Variants in CAMKK1 observed in about 807,000 individuals in gnomAD.
CAMKK1 encodes the protein calcium/calmodulin-dependent protein kinase kinase 1.
Under a neutral mutation model 63.5 loss-of-function variants are expected in CAMKK1, and 20 were observed. The ratio of observed to expected loss-of-function variants is 0.32; its 90% CI spans 0.22 to 0.46. The LOEUF (loss-of-function observed/expected upper bound fraction) is 0.46, where lower values mean the gene tolerates loss of function less well. Ranked by LOEUF, CAMKK1 falls within the 20% of genes least tolerant of loss-of-function variation. The probability of loss-of-function intolerance (pLI) is 1.00; values close to 1 mark genes in which losing one functional copy is unlikely to be tolerated. For synonymous variants in CAMKK1, 253 were observed against 269.0 expected, an observed-to-expected ratio of 0.94 and a Z score of 0.58; for missense variants, 588 against 658.1, an observed-to-expected ratio of 0.89 and a Z score of 1.17.
In CAMKK1 at chr17:3,876,306, C is replaced by T. The variant is rs767490064; in HGVS notation, c.913G>A (p.Ala305Thr). The stretch of plus-strand genomic sequence containing the variant: ...GTTCCCGCCGTGCTGGACAGCTGAG[C>T]GTCGTTCCCCTCAAACTGGTTGCTG... Reference protein sequence around the residue: ...GVSNQFEGNDAQLSSTAGTPA... With the variant: ...GVSNQFEGNDTQLSSTAGTPA... Residue 305 changes from alanine to threonine, a missense_variant, in exon 10 of 16, where the codon GCT (alanine) becomes ACT (threonine). Physicochemically the swap from Ala to Thr is moderately conservative, Grantham distance 58. This residue lies in a region of CAMKK1 where 357 missense variants were observed against 407.4 expected (regional missense o/e 0.88). Transcript: ENST00000348335. The T allele has an allele frequency of 5.6e-6, 9 of 1,614,118 alleles. No homozygotes were observed. Among genetic ancestry groups the T allele is most frequent in the East Asian group, 2.2e-5 (1 of 44,900 alleles).
Position 3,884,276 on chromosome 17 carries a change from G to T in CAMKK1, c.408+104C>A. On this transcript the variant is annotated intron_variant, in intron 3 of 15. Transcript: ENST00000348335. The surrounding 1 kb of genome is among the most constrained non-coding windows in gnomAD (Gnocchi z 4.5). Reference sequence around the variant, plus strand: ...CGAAACTGTCCTCACCTCCAGGCTAGGACTTGCCTGGCTCTGCCTCCCGTT... The same window carrying T: ...CGAAACTGTCCTCACCTCCAGGCTATGACTTGCCTGGCTCTGCCTCCCGTT... The T allele has an allele frequency of 1.5e-6, 2 of 1,292,684 alleles. No homozygotes were observed. Among genetic ancestry groups the T allele is most frequent in the Non-Finnish European group, 2.2e-6 (2 of 895,862 alleles). The allele number at this position is 1,292,684 out of a possible 1,614,324, so 80.1% of individuals were successfully genotyped here.
intron 14 of CAMKK1, among the ~76,000 whole-genome samples, chr17:3,868,973 CTT>C (rs146125805): frequency 6.4e-5 from 8 of 125,056 alleles, no homozygotes; most frequent in Non-Finnish European, 8.4e-5. Context: ...TTCTTTTCTT[CTT>C]TTTTTTTTTT....
intron 9 of CAMKK1, among the ~76,000 whole-genome samples, chr17:3,876,770 T>TG (rs1266354272): frequency 4.5e-5 from 5 of 111,210 alleles, no homozygotes; most frequent in African/African-American, 2.2e-4. Flanking sequence ...TTTTTTTTTT[T>TG]TTTTTGAGAC....
At chr17:3,865,218 A>G in intron 15 of CAMKK1, 32 of 985,760 alleles carry the variant, frequency 3.2e-5, no homozygotes, top group Non-Finnish European at 3.9e-5. Context: ...GACGAGGCGC[A>G]CAGGCTTGGG....
chr17:3,874,128 A>T (rs1051229186), intron 10 of CAMKK1, among the ~76,000 whole-genome samples: 3 of 152,202 alleles, frequency 2.0e-5, no homozygotes, highest in Non-Finnish European at 4.4e-5. Flanking sequence ...GAATCCAACC[A>T]GGGAACACCA....
chr17:3,878,649 A>G (rs182619107), intron 9 of CAMKK1, among the ~76,000 whole-genome samples: 2 of 152,258 alleles, frequency 1.3e-5, no homozygotes, highest in East Asian at 1.9e-4. Context: ...AAGGCAAAGG[A>G]GAGGCTCGAG....
rs567463780 is a variant in CAMKK1 at position 3,885,713 on chromosome 17, C to T, written c.-26G>A. Reference sequence around the variant, plus strand: ...TGCTTCAGTCAAGGGGGTTCTTCTGCGTAGCCTTGTTGGGAACCTGAGAAA... The same window carrying T: ...TGCTTCAGTCAAGGGGGTTCTTCTGTGTAGCCTTGTTGGGAACCTGAGAAA... On this transcript the variant is annotated 5_prime_UTR_variant, in exon 2 of 16. Transcript: ENST00000348335. 28 of 1,608,578 alleles carry T rather than the reference C, an allele frequency of 1.7e-5. No individual in the cohort carries two copies. The highest frequency in any genetic ancestry group is 6.6e-5 in the South Asian group (6 of 91,044).
Position 3,883,491 on chromosome 17 carries a change from A to G in CAMKK1, c.463-11T>C. On this transcript the variant is annotated splice_polypyrimidine_tract_variant and intron_variant, in intron 4 of 15. Coordinates refer to ENST00000348335, the MANE Select transcript of CAMKK1 (RefSeq NM_032294.3). This position sits in a 1 kb window ranked among gnomAD's most constrained non-coding sequence, Gnocchi z 4.7. ...AAGGACTTTCATTGCCTAAGGAAGG[A>G]GGGACAGAAATGTCACTACTGTGCA... 1.2e-6 allele frequency: 2 copies of G among 1,611,696 alleles called. No homozygotes were observed. The highest frequency in any genetic ancestry group is 8.5e-7 in the Non-Finnish European group (1 of 1,177,794).
At chr17:3,865,650 G>A in intron 15 of CAMKK1, 1 of 1,347,998 alleles carries the variant, frequency 7.4e-7, no homozygotes, top group Non-Finnish European at 9.6e-7. Flanking sequence ...TGGAGGGGCT[G>A]CGTGAGCTCC....
chr17:3,882,053 C>G lies in CAMKK1; in HGVS notation c.686-405G>C, dbSNP rs1052306269. 1 of 553,852 alleles carries G rather than the reference C, an allele frequency of 1.8e-6. No individual in the cohort carries two copies. Among genetic ancestry groups the G allele is most frequent in the Non-Finnish European group, 3.2e-6 (1 of 315,016 alleles). 34.3% of individuals were successfully genotyped at this position (553,852 alleles called of 1,614,324 possible). A position where few individuals can be genotyped will look rare whatever the true frequency, so the allele number is the denominator to read the frequency against. On this transcript the variant is annotated intron_variant, in intron 7 of 15. Coordinates refer to ENST00000348335, the MANE Select transcript of CAMKK1 (RefSeq NM_032294.3). The surrounding 1 kb of genome is among the most constrained non-coding windows in gnomAD (Gnocchi z 4.3). ...TTCTGAGGCCTCCTCTAAGCCCAGC[C>G]CTGAACCAGACACAAGGAACTAAAA...
intron 12 of CAMKK1, among the ~76,000 whole-genome samples, chr17:3,870,330 G>A (rs570558540): frequency 9.3e-4 from 141 of 151,916 alleles, no homozygotes; most frequent in Admixed American, 2.4e-3. Flanking sequence ...CCCCCTCAGC[G>A]CCACATCAGC....
At chr17:3,880,189 T>A in intron 9 of CAMKK1, 157 bp downstream of exon 9, 162 of 545,002 alleles carry the variant, frequency 3.0e-4, no homozygotes, top group Middle Eastern at 2.1e-3. Flanking sequence ...CAAAAAGGCC[T>A]TTGGCCCCGC....
At position 3,879,836 on chromosome 17, in the gene CAMKK1, G is replaced by A. The variant is rs915751956; in HGVS notation, c.796+510C>T. The A allele has an allele frequency of 6.4e-6, 1 of 155,600 alleles. No individual in the cohort carries two copies. The highest frequency in any genetic ancestry group is 1.4e-5 in the Non-Finnish European group (1 of 70,112). 9.6% of individuals were successfully genotyped at this position (155,600 alleles called of 1,614,324 possible). On this transcript the variant is annotated intron_variant, in intron 9 of 15. Coordinates refer to ENST00000348335, the MANE Select transcript of CAMKK1 (RefSeq NM_032294.3). The surrounding 1 kb of genome is among the most constrained non-coding windows in gnomAD (Gnocchi z 4.5). ...CACTAGGCCGTGAACTCGGGTCTGG[G>A]TCTTTCACCCCTATGCCCCCAGGCA...
intron 11 of CAMKK1, 25 bp downstream of exon 11, chr17:3,873,384 C>T: frequency 6.2e-7 from 1 of 1,612,436 alleles, no homozygotes. Context: ...CCCGCCCCAG[C>T]TCTGCTGGCA....
intron 12 of CAMKK1, among the ~76,000 whole-genome samples, chr17:3,871,881 G>T (rs1183814553): frequency 6.7e-6 from 1 of 149,392 alleles, no homozygotes; most frequent in East Asian, 2.0e-4. Context: ...CCTAACCTCA[G>T]GTGATCTGCC....
At chr17:3,881,534 A>G in intron 8 of CAMKK1, 93 bp downstream of exon 8, 2 of 1,255,044 alleles carry the variant, frequency 1.6e-6, no homozygotes, top group South Asian at 1.3e-5. Context: ...GACTTCTCCT[A>G]GAGTAGCTGA....
rs143057522 is a variant in CAMKK1 at position 3,867,532 on chromosome 17, G to C, written c.1342-1521C>G. 2.0e-3 allele frequency among the ~76,000 whole-genome samples: 309 copies of C among 152,324 alleles called. 6 individuals carry two copies. Among genetic ancestry groups the C allele is most frequent in the African/African-American group, 7.1e-3 (297 of 41,566 alleles). Reference sequence around the variant, plus strand: ...ACCAGGGGGACAGGGAGTGAGAGTAGAAGCAAGGGACAGCGTGGGAGGTTG... The same window carrying C: ...ACCAGGGGGACAGGGAGTGAGAGTACAAGCAAGGGACAGCGTGGGAGGTTG... On this transcript the variant is annotated intron_variant, in intron 14 of 15. Transcript: ENST00000348335.
rs775269546 is a variant in CAMKK1, at chr17:3,865,958, G to T, written c.1395C>A (p.Pro465=). 6.2e-7 allele frequency: 1 copy of T among 1,614,108 alleles called. No homozygotes were observed. Among genetic ancestry groups the T allele is most frequent in the African/African-American group, 1.3e-5 (1 of 74,940 alleles). Residue 465 remains proline, a synonymous_variant, in exon 15 of 16, where the codon CCC becomes CCA. Transcript: ENST00000348335. The stretch of plus-strand genomic sequence containing the variant: ...TGGATCGCTCTTCCCTCCGTGCTTG[G>T]GGCTCAAACGGGTTCCCAAAGGAAC... The part of the protein sequence containing the change: ...RKRSFGNPFE[P]QARREERSMS...
intron 12 of CAMKK1, among the ~76,000 whole-genome samples, chr17:3,872,069 C>T (rs189919532): frequency 2.5e-4 from 38 of 152,366 alleles, no homozygotes; most frequent in African/African-American, 5.5e-4. Flanking sequence ...GTCCCTGCTA[C>T]GCTCAGAGAC....
Sources: gnomAD v4.1 joint callset for allele counts (sites outside exome capture counted in the v4.1 genomes callset) on GRCh38, gnomAD v4.1.1 for gene constraint, gnomAD v4.1.1 regional missense constraint, Gnocchi (gnomAD v3.1) non-coding constraint, MANE v1.5 for transcripts, NCBI Gene and HGNC (gene_info 2026-07-23, HGNC 2026-07-21) for gene names.